ARID3B: variants seen among roughly 807,000 people sequenced by gnomAD.
The protein encoded by ARID3B is AT-rich interactive domain-containing protein 3B.
A neutral mutation model predicts 51.9 loss-of-function variants in ARID3B; 10 were observed. The observed-to-expected ratio is 0.19, with a 90% CI of 0.12 to 0.33. ARID3B has a LOEUF of 0.33. Among genes scored for constraint, ARID3B ranks in the 10% least tolerant of loss-of-function variants. The probability of loss-of-function intolerance (pLI) is 1.00; values close to 1 mark genes in which losing one functional copy is unlikely to be tolerated. For missense variants in ARID3B, 483 were observed against 716.3 expected, an observed-to-expected ratio of 0.67 and a Z score of 3.72; for synonymous variants, 205 against 279.5, an observed-to-expected ratio of 0.73 and a Z score of 2.66.
rs1296376064 is a variant in ARID3B, at chr15:74,595,669, C to T, written c.1578C>T (p.Ser526=). 2 of 1,613,640 alleles carry T rather than the reference C, an allele frequency of 1.2e-6. No individual in the cohort carries two copies. The highest frequency in any genetic ancestry group is 1.3e-5 in the African/African-American group (1 of 75,038). Reference sequence around the variant, plus strand: ...TCATCACGGGGTCTGCTCCCCAGAGCCTCGGCAGCAGCGCCAGCAGCAGCA... The same window carrying T: ...TCATCACGGGGTCTGCTCCCCAGAGTCTCGGCAGCAGCGCCAGCAGCAGCA... The part of the protein sequence containing the change: ...VHLITGSAPQ[S]LGSSASSSSS... Residue 526 remains serine (S), a synonymous_variant, in exon 9 of 9, where the codon AGC becomes AGT. Coordinates refer to ENST00000346246, the MANE Select transcript of ARID3B (RefSeq NM_006465.4).
chr15:74,569,397 GC>G (rs1320567108), intron 2 of ARID3B, among the ~76,000 whole-genome samples: 1 of 151,718 alleles, frequency 6.6e-6, no homozygotes, highest in Admixed American at 6.6e-5. Context: ...GACCAACCTG[GC>G]CAACATGGCA....
intron 4 of ARID3B, among the ~76,000 whole-genome samples, chr15:74,585,212 T>C (rs1468797091): frequency 1.3e-5 from 2 of 152,184 alleles, no homozygotes; most frequent in Non-Finnish European, 2.9e-5. Context: ...AGATCTCTCT[T>C]CAGTGGGTGT....
At chr15:74,583,061 G>A (rs777528308) in intron 4 of ARID3B, among the ~76,000 whole-genome samples, 4 of 151,606 alleles carry the variant, frequency 2.6e-5, no homozygotes, top group Non-Finnish European at 5.9e-5. Flanking sequence ...TTAGCTGGAT[G>A]TGGTGGCACC....
In ARID3B at chr15:74,546,970, T is replaced by C. The variant is rs375620166; in HGVS notation, c.552+2482T>C. 4.7e-4 allele frequency among the ~76,000 whole-genome samples: 71 copies of C among 152,248 alleles called. 1 individual carries two copies. Among genetic ancestry groups the C allele is most frequent in the African/African-American group, 1.6e-3 (67 of 41,546 alleles). The stretch of plus-strand genomic sequence containing the variant: ...TTTTAAAACTTTTTTTTTAGTATAT[T>C]TTAGAAGGGCCAAAAATAATAATAT... On this transcript the variant is annotated intron_variant, in intron 2 of 8. Transcript: ENST00000346246.
intron 2 of ARID3B, among the ~76,000 whole-genome samples, chr15:74,547,065 CTTTAT>C (rs2061618461): frequency 6.6e-6 from 1 of 152,082 alleles, no homozygotes; most frequent in African/African-American, 2.4e-5. Flanking sequence ...AAAATCTTTA[CTTTAT>C]GAAACTTAAT....
At chr15:74,593,991 C>A (rs2061813791) in intron 8 of ARID3B, among the ~76,000 whole-genome samples, 1 of 151,442 alleles carries the variant, frequency 6.6e-6, no homozygotes. Context: ...TGCAGTAAGC[C>A]GTGATTGTAC....
chr15:74,580,330 CA>C (rs2061757009), intron 4 of ARID3B, among the ~76,000 whole-genome samples: 1 of 152,094 alleles, frequency 6.6e-6, no homozygotes, highest in Non-Finnish European at 1.5e-5. Flanking sequence ...TTTCAGTGCC[CA>C]AGGGGAGGGA....
chr15:74,583,421 A>G (rs974605249), intron 4 of ARID3B, among the ~76,000 whole-genome samples: 2 of 151,964 alleles, frequency 1.3e-5, no homozygotes, highest in African/African-American at 4.8e-5. Context: ...GGGTGCTGTA[A>G]ATGTTCTGTG....
intron 4 of ARID3B, among the ~76,000 whole-genome samples, chr15:74,579,882 C>T (rs909040717): frequency 9.5e-5 from 14 of 146,998 alleles, no homozygotes; most frequent in East Asian, 3.9e-4. Flanking sequence ...TGCGCGCGCG[C>T]GCACACGCAA....
At chr15:74,582,834 C>T (rs528083142) in intron 4 of ARID3B, among the ~76,000 whole-genome samples, 2 of 152,208 alleles carry the variant, frequency 1.3e-5, no homozygotes, top group Admixed American at 6.5e-5. Flanking sequence ...TTCCAATGTC[C>T]ATCAGTAGTA....
intron 2 of ARID3B, among the ~76,000 whole-genome samples, chr15:74,571,717 G>T (rs1339388163): frequency 6.6e-6 from 1 of 152,230 alleles, no homozygotes; most frequent in Non-Finnish European, 1.5e-5. Flanking sequence ...CAAGTAATAT[G>T]TTAAAATCTA....
At chr15:74,561,231 A>G (rs925595878) in intron 2 of ARID3B, among the ~76,000 whole-genome samples, 1 of 152,154 alleles carries the variant, frequency 6.6e-6, no homozygotes. Flanking sequence ...AATATTCTCT[A>G]TTCTTAATAC....
chr15:74,585,128 G>A (rs2061775531), intron 4 of ARID3B, among the ~76,000 whole-genome samples: 1 of 152,168 alleles, frequency 6.6e-6, no homozygotes, highest in African/African-American at 2.4e-5. Context: ...CCCATCAGGT[G>A]CTCACCCCCT....
intron 4 of ARID3B, among the ~76,000 whole-genome samples, chr15:74,577,617 G>A (rs1008563008): frequency 6.6e-6 from 1 of 152,002 alleles, no homozygotes; most frequent in Non-Finnish European, 1.5e-5. Flanking sequence ...ACCTCCCCAG[G>A]CTCAGGTGAT....
intron 2 of ARID3B, among the ~76,000 whole-genome samples, chr15:74,562,019 C>T (rs2061681018): frequency 7.2e-6 from 1 of 138,742 alleles, no homozygotes. Flanking sequence ...CCAGCCCTGG[C>T]GACAGAGCAA....
intron 2 of ARID3B, among the ~76,000 whole-genome samples, chr15:74,551,079 A>G (rs1051950349): frequency 6.6e-6 from 1 of 152,204 alleles, no homozygotes; most frequent in Non-Finnish European, 1.5e-5. Flanking sequence ...TCTTCCATAT[A>G]CATGGGTTTC....
intron 2 of ARID3B, among the ~76,000 whole-genome samples, chr15:74,545,171 T>G (rs1028105936): frequency 6.6e-6 from 1 of 152,270 alleles, no homozygotes; most frequent in Non-Finnish European, 1.5e-5. Context: ...AAGAAAGTTC[T>G]TGCCTAAGAC....
At chr15:74,554,934 A>C (rs530272557) in intron 2 of ARID3B, among the ~76,000 whole-genome samples, 2 of 152,206 alleles carry the variant, frequency 1.3e-5, no homozygotes, top group South Asian at 4.1e-4. Context: ...AGTAGCTTTC[A>C]TTATACCTAA....
intron 4 of ARID3B, among the ~76,000 whole-genome samples, chr15:74,583,149 G>A (rs917587985): frequency 6.6e-6 from 1 of 151,822 alleles, no homozygotes; most frequent in Non-Finnish European, 1.5e-5. Flanking sequence ...GCAGTAAGGC[G>A]AGATCATGTC....
Sources: allele counts gnomAD v4.1 joint callset (sites outside exome capture counted in the v4.1 genomes callset), GRCh38; gene constraint gnomAD v4.1.1; transcripts MANE v1.5; gene names NCBI Gene and HGNC (gene_info 2026-07-23, HGNC 2026-07-21).